The following BBS9 variants were observed in gnomAD, a reference collection of about 807,000 sequenced individuals.
BBS9 encodes the protein Bardet-Biedl syndrome 9.
In BBS9, 89 loss-of-function variants were observed where a neutral mutation model predicts 117.7. The observed-to-expected ratio is 0.76, with a 90% CI of 0.64 to 0.90. The LOEUF (loss-of-function observed/expected upper bound fraction) is 0.90, where lower values mean the gene tolerates loss of function less well. Among genes scored for constraint, BBS9 ranks in the 40% least tolerant of loss-of-function variants. The pLI, the probability that BBS9 is intolerant of heterozygous loss-of-function variation, is 0.00. For missense variants in BBS9, 982 were observed against 1,042.2 expected, an observed-to-expected ratio of 0.94 and a Z score of 0.80; for synonymous variants, 379 against 370.9, an observed-to-expected ratio of 1.02 and a Z score of -0.25.
chr7:33,527,464 A>G (rs1285213182), intron 20 of BBS9, among the ~76,000 whole-genome samples: 1 of 152,064 alleles, frequency 6.6e-6, no homozygotes, highest in Admixed American at 6.5e-5. Flanking sequence ...GCCGTTTTTT[A>G]AGCGGGTCTG....
At position 33,409,089 on chromosome 7, in the gene BBS9, A is replaced by T. The variant is rs77794538; in HGVS notation, c.2115+20945A>T. On this transcript the variant is annotated intron_variant, in intron 19 of 22. Transcript: ENST00000242067. ...CTTGTTGATTCGTTTACATTCCTTT[A>T]TCTCATTCTTTAGGTTGTATGTTTC... Among the ~76,000 whole-genome samples, 3,003 of 151,646 alleles carry T rather than the reference A, an allele frequency of 0.02. 205 individuals carry two copies. In the East Asian group the frequency reaches 0.26, roughly 13 times the overall value.
At chr7:33,367,328 T>C (rs1317998458) in intron 16 of BBS9, among the ~76,000 whole-genome samples, 2 of 152,220 alleles carry the variant, frequency 1.3e-5, no homozygotes, top group Non-Finnish European at 2.9e-5. Context: ...CTCATGCCTT[T>C]AAACATATTT....
intron 4 of BBS9, among the ~76,000 whole-genome samples, chr7:33,173,229 T>C (rs911929814): frequency 2.0e-5 from 3 of 152,156 alleles, no homozygotes; most frequent in African/African-American, 7.2e-5. Flanking sequence ...ATAAACACTT[T>C]ATCTTTAGTT....
At position 33,130,021 on chromosome 7, in the gene BBS9, GCT is replaced by G. The variant is rs1178426090; in HGVS notation, c.-30_-29del. 6.6e-6 allele frequency: 1 copy of G among 152,198 alleles called. No homozygotes were observed. Among genetic ancestry groups the G allele is most frequent in the Non-Finnish European group, 1.5e-5 (1 of 68,058 alleles). The allele number at this position is 152,198 out of a possible 1,614,324, so 9.4% of individuals were successfully genotyped here. A position where few individuals can be genotyped will look rare whatever the true frequency, so the allele number is the denominator to read the frequency against. ...AGGGTTCGCAGAAAGGTGGGGCAGA[GCT>G]CATCTGACGTGGCATCAGGTAAGAT... is the stretch of plus-strand genomic sequence containing the variant. On this transcript the variant is annotated 5_prime_UTR_variant, in exon 1 of 23. Transcript: ENST00000242067.
chr7:33,476,504 A>G (rs1841822446), intron 19 of BBS9, among the ~76,000 whole-genome samples: 1 of 152,188 alleles, frequency 6.6e-6, no homozygotes, highest in Non-Finnish European at 1.5e-5. Context: ...CCATGGCTGC[A>G]TTTCCTCCTT....
In BBS9 at chr7:33,505,484, G is replaced by T; in HGVS notation, c.2137G>T (p.Val713Leu). ...YKQVIALADAVEENQGNLFQS... is the reference protein window; with the variant it reads ...YKQVIALADALEENQGNLFQS... ...GCAGGTAATTGCTCTAGCAGATGCA[G>T]TGGAGGAAAACCAAGGCAATCTGTT... Residue 713 changes from valine to leucine, a missense_variant, in exon 20 of 23, where the codon GTG (valine) becomes TTG (leucine). Physicochemically the swap from Val to Leu is conservative, Grantham distance 32 (BLOSUM62 1). Transcript: ENST00000242067. The T allele has an allele frequency of 6.2e-7, 1 of 1,614,174 alleles. No individual in the cohort carries two copies. The highest frequency in any genetic ancestry group is 8.5e-7 in the Non-Finnish European group (1 of 1,179,982).
At chr7:33,607,820 G>A (rs1156713840), downstream of BBS9, among the ~76,000 whole-genome samples, 1 of 151,288 alleles carries the variant, frequency 6.6e-6, no homozygotes, top group East Asian at 1.9e-4. Flanking sequence ...ATATTATCAG[G>A]GCATTTTAAT....
intron 21 of BBS9, among the ~76,000 whole-genome samples, chr7:33,567,143 T>C (rs1857042480): frequency 6.6e-6 from 1 of 152,204 alleles, no homozygotes; most frequent in Non-Finnish European, 1.5e-5. Context: ...TGTTCTCTAT[T>C]AAATTTTTAG....
chr7:33,342,387 T>C (rs1378646618), intron 11 of BBS9, among the ~76,000 whole-genome samples: 1 of 152,136 alleles, frequency 6.6e-6, no homozygotes, highest in Admixed American at 6.5e-5. Context: ...GCTGTGGAAA[T>C]GACTTTTTTT....
intron 22 of BBS9, 39 bp from the exon 23 acceptor site, chr7:33,605,156 C>A (rs1563439570): frequency 6.3e-7 from 1 of 1,586,262 alleles, no homozygotes; most frequent in Non-Finnish European, 8.7e-7. Context: ...CTATTCAGAT[C>A]TTTTCTCTCT....
chr7:33,408,344 C>T (rs1830462225), intron 19 of BBS9, among the ~76,000 whole-genome samples: 1 of 152,126 alleles, frequency 6.6e-6, no homozygotes, highest in Non-Finnish European at 1.5e-5. Context: ...GTCTGTCACC[C>T]CTTTCCTTGA....
intron 19 of BBS9, among the ~76,000 whole-genome samples, chr7:33,478,976 G>A (rs1459773113): frequency 6.7e-6 from 1 of 149,966 alleles, no homozygotes; most frequent in Non-Finnish European, 1.5e-5. Context: ...TTCATTTACT[G>A]ATAGCTGTCA....
Position 33,586,391 on chromosome 7 carries a change from A to C in BBS9, c.2522-18474A>C, listed in dbSNP as rs184724479. Among the ~76,000 whole-genome samples the C allele has an allele frequency of 3.3e-4, 50 of 152,128 alleles. 1 individual carries two copies. In the East Asian group the frequency reaches 8.1e-3, roughly 25 times the overall value. ...TACTGTTAAGAAGTAAAAAAAAATA[A>C]ATAACAGATCTGGGTGAGGCCACAG... On this transcript the variant is annotated intron_variant, in intron 21 of 22. Transcript: ENST00000242067.
intron 16 of BBS9, among the ~76,000 whole-genome samples, chr7:33,362,815 G>A (rs1424440296): frequency 6.6e-6 from 1 of 152,078 alleles, no homozygotes; most frequent in East Asian, 1.9e-4. Context: ...GATTTTGATT[G>A]GGATTGTGAT....
intron 9 of BBS9, among the ~76,000 whole-genome samples, chr7:33,335,161 T>C (rs961472676): frequency 2.0e-5 from 3 of 152,248 alleles, no homozygotes; most frequent in South Asian, 2.1e-4. Flanking sequence ...TTATCTGTTA[T>C]ATACTTTATG....
At chr7:33,360,474 T>TATCTGGGG (rs1320118346) in intron 16 of BBS9, among the ~76,000 whole-genome samples, 7 of 151,840 alleles carry the variant, frequency 4.6e-5, no homozygotes, top group South Asian at 2.1e-4. Flanking sequence ...TATAAATAGC[T>TATCTGGGG]ATCTGGGGTG....
chr7:33,584,597 C>T (rs145835809), intron 21 of BBS9, among the ~76,000 whole-genome samples: 3,320 of 151,858 alleles, frequency 0.022, 72 homozygotes, highest in South Asian at 0.11. Context: ...ATTGAGATTC[C>T]GTTTTGATAT....
intron 9 of BBS9, among the ~76,000 whole-genome samples, chr7:33,294,351 A>G (rs957196848): frequency 6.2e-5 from 8 of 129,046 alleles, no homozygotes; most frequent in African/African-American, 2.3e-4. Context: ...CTATCTATCT[A>G]TCTCTTTGTC....
chr7:33,376,189 C>T (rs1823856542), intron 17 of BBS9, among the ~76,000 whole-genome samples: 1 of 152,080 alleles, frequency 6.6e-6, no homozygotes, highest in African/African-American at 2.4e-5. Flanking sequence ...CTCCCACCCT[C>T]CACTCTGAGG....
Sources: gnomAD v4.1 joint callset for allele counts (sites outside exome capture counted in the v4.1 genomes callset) on GRCh38, gnomAD v4.1.1 for gene constraint, MANE v1.5 for transcripts, NCBI Gene and HGNC (gene_info 2026-07-23, HGNC 2026-07-21) for gene names.